The following PCSK2 variants were observed in gnomAD, a reference collection of about 807,000 sequenced individuals.
PCSK2 encodes proprotein convertase subtilisin/kexin type 2.
A neutral mutation model predicts 69.7 loss-of-function variants in PCSK2; 14 were observed. The observed-to-expected ratio is 0.20, with a 90% CI of 0.13 to 0.31. The LOEUF is 0.31. PCSK2 is among the 10% of genes least tolerant of loss of function. PCSK2 has a pLI of 1.00. For missense variants in PCSK2, 544 were observed against 842.5 expected (o/e 0.65, Z 4.39); for synonymous variants, 307 against 320.7 (o/e 0.96, Z 0.46).
chr20:17,251,423 T>C (rs575091453), intron 1 of PCSK2, among the ~76,000 whole-genome samples: 12 of 152,314 alleles, frequency 7.9e-5, no homozygotes, highest in Middle Eastern at 6.8e-3. Flanking sequence ...GCTACAATGT[T>C]CTAAAAAATT....
intron 2 of PCSK2, among the ~76,000 whole-genome samples, chr20:17,347,840 G>T (rs1226475425): frequency 1.6e-5 from 2 of 123,964 alleles, no homozygotes; most frequent in Non-Finnish European, 3.4e-5. Flanking sequence ...AAGAAAGAAA[G>T]AAAGAAAGAA....
At chr20:17,454,495 C>T (rs553262193) in intron 9 of PCSK2, among the ~76,000 whole-genome samples, 1 of 151,920 alleles carries the variant, frequency 6.6e-6, no homozygotes, top group Admixed American at 6.6e-5. Context: ...ATTTTTAGAA[C>T]AAAAAGATTA....
chr20:17,414,825 A>C (rs1280688735), intron 6 of PCSK2, among the ~76,000 whole-genome samples: 1 of 152,230 alleles, frequency 6.6e-6, no homozygotes, highest in African/African-American at 2.4e-5. Flanking sequence ...CACATCAAAA[A>C]GCTTATCCGC....
At chr20:17,282,639 A>C (rs2123048813) in intron 2 of PCSK2, among the ~76,000 whole-genome samples, 1 of 150,664 alleles carries the variant, frequency 6.6e-6, no homozygotes, top group East Asian at 1.9e-4. Context: ...AAACAGCCAC[A>C]TTAATTAAAG....
intron 11 of PCSK2, chr20:17,479,440 C>T: frequency 1.7e-6 from 1 of 573,538 alleles, no homozygotes; most frequent in South Asian, 1.8e-5. Flanking sequence ...ATGGTAGCGC[C>T]TGTTCTCCCT....
At chr20:17,367,857 T>C (rs13043606) in intron 4 of PCSK2, among the ~76,000 whole-genome samples, 22,040 of 152,194 alleles carry the variant, frequency 0.14, 1,868 homozygotes, top group Middle Eastern at 0.29. Context: ...TAAAAATATT[T>C]GTCTTTAAAT....
In PCSK2 at chr20:17,261,206, A is replaced by C. The variant is rs182267542; in HGVS notation, c.282+862A>C. 1.2e-3 allele frequency among the ~76,000 whole-genome samples: 180 copies of C among 152,356 alleles called. 1 individual carries two copies. Among genetic ancestry groups the C allele is most frequent in the South Asian group, 3.7e-3 (18 of 4,828 alleles). On this transcript the variant is annotated intron_variant, in intron 2 of 11. Transcript: ENST00000262545. Reference sequence around the variant, plus strand: ...GGAAGGAAAGTATGTAATAACTCAGACAAGTTGTTCTCTGTACATTGAAGG... The same window carrying C: ...GGAAGGAAAGTATGTAATAACTCAGCCAAGTTGTTCTCTGTACATTGAAGG...
At chr20:17,316,322 T>C (rs377337887) in intron 2 of PCSK2, among the ~76,000 whole-genome samples, 1 of 152,264 alleles carries the variant, frequency 6.6e-6, no homozygotes, top group Non-Finnish European at 1.5e-5. Context: ...CCGTCTGTTA[T>C]CTAAGTCATG....
chr20:17,369,095 G>T, intron 4 of PCSK2, 145 bp from the exon 5 acceptor site: 1 of 698,650 alleles, frequency 1.4e-6, no homozygotes, highest in Non-Finnish European at 2.6e-6. Flanking sequence ...GTGCAAGACT[G>T]GGAGCTGTGT....
intron 2 of PCSK2, among the ~76,000 whole-genome samples, chr20:17,349,702 A>G (rs1268909670): frequency 6.6e-6 from 1 of 152,238 alleles, no homozygotes; most frequent in Non-Finnish European, 1.5e-5. Context: ...AAGGTATCTT[A>G]CCATGCAAAT....
At chr20:17,441,185 A>G (rs2032588093) in intron 8 of PCSK2, among the ~76,000 whole-genome samples, 1 of 152,148 alleles carries the variant, frequency 6.6e-6, no homozygotes, top group Admixed American at 6.5e-5. Context: ...CCTCTGCTCC[A>G]GCTGCCACCT....
intron 4 of PCSK2, among the ~76,000 whole-genome samples, chr20:17,366,216 T>TCCTA (rs2030587208): frequency 6.6e-6 from 1 of 152,350 alleles, no homozygotes; most frequent in Middle Eastern, 3.4e-3. Flanking sequence ...TGGAACTCCT[T>TCCTA]CCTAGTTCCT....
chr20:17,286,963 G>A (rs1275493474), intron 2 of PCSK2, among the ~76,000 whole-genome samples: 1 of 152,196 alleles, frequency 6.6e-6, no homozygotes, highest in Non-Finnish European at 1.5e-5. Context: ...AATCTGCAGG[G>A]CAGGCCAGCA....
At chr20:17,379,961 G>C (rs2031043534) in intron 5 of PCSK2, among the ~76,000 whole-genome samples, 1 of 152,166 alleles carries the variant, frequency 6.6e-6, no homozygotes, top group Admixed American at 6.5e-5. Context: ...AATGTGAACA[G>C]GGCCACATGG....
intron 11 of PCSK2, among the ~76,000 whole-genome samples, chr20:17,474,304 T>A (rs4813269): frequency 0.54 from 81,681 of 152,036 alleles, 21,971 homozygotes; most frequent in South Asian, 0.59. Flanking sequence ...GTGGTGGCGT[T>A]GATGCTCCAA....
rs1314851683 is a variant in PCSK2 at position 17,255,299 on chromosome 20, T to A, written c.178-4941T>A. ...AACTATGGTGTTAGCTGTGAGTTTT[T>A]CATAGATAGATTTATCAGATTGAGA... On this transcript the variant is annotated intron_variant, in intron 1 of 11. Transcript: ENST00000262545. 7.2e-5 allele frequency among the ~76,000 whole-genome samples: 11 copies of A among 152,218 alleles called. 1 individual carries two copies. The highest frequency in any genetic ancestry group is 7.2e-4 in the Admixed American group (11 of 15,276).
intron 1 of PCSK2, among the ~76,000 whole-genome samples, chr20:17,254,253 C>G (rs1987096908): frequency 6.6e-6 from 1 of 152,058 alleles, no homozygotes; most frequent in South Asian, 2.1e-4. Context: ...GGTGTTGTAT[C>G]TAAGAAAACA....
At chr20:17,357,654 G>T (rs895730706) in intron 2 of PCSK2, among the ~76,000 whole-genome samples, 1 of 152,122 alleles carries the variant, frequency 6.6e-6, no homozygotes, top group African/African-American at 2.4e-5. Flanking sequence ...CAGCACTTTG[G>T]GAAGCCAAGG....
chr20:17,320,700 G>A (rs1409413414), intron 2 of PCSK2, among the ~76,000 whole-genome samples: 1 of 152,228 alleles, frequency 6.6e-6, no homozygotes, highest in African/African-American at 2.4e-5. Flanking sequence ...GCTGGAGGGT[G>A]CTCGGGGAGG....
Sources: allele counts gnomAD v4.1 joint callset (sites outside exome capture counted in the v4.1 genomes callset), GRCh38; gene constraint gnomAD v4.1.1; transcripts MANE v1.5; gene names NCBI Gene and HGNC (gene_info 2026-07-23, HGNC 2026-07-21).